Variants in PIGQ observed in about 807,000 individuals in gnomAD.
PIGQ encodes phosphatidylinositol glycan anchor biosynthesis class Q, also known as phosphatidylinositol N-acetylglucosaminyltransferase subunit Q.
Under a neutral mutation model 60.3 loss-of-function variants are expected in PIGQ, and 54 were observed. That is an observed-to-expected ratio of 0.90 (90% CI 0.72 to 1.12). The LOEUF (loss-of-function observed/expected upper bound fraction) is 1.12, where lower values mean the gene tolerates loss of function less well. PIGQ is among the 50% of genes most tolerant of loss of function. PIGQ has a pLI of 0.00. For synonymous variants in PIGQ, 416 were observed against 363.7 expected (o/e 1.14, Z -1.64); for missense variants, 799 against 793.5 (o/e 1.01, Z -0.08).
rs1340506901 is a variant in PIGQ at position 574,243 on chromosome 16, C to T, written c.169C>T (p.Gln57Ter). Residue 57 changes from glutamine (Q) to a stop codon, truncating the protein, a stop_gained, in exon 2 of 11, where the codon CAG becomes TAG. Transcript: ENST00000321878. LOFTEE classifies it high-confidence loss of function. ...CCTGGCCCAGGTGCGGCAGGCCAGCCAGGTGGGCGTGGCCGTGCTGGGCAC... is the reference window on the plus strand; with the variant it reads ...CCTGGCCCAGGTGCGGCAGGCCAGCTAGGTGGGCGTGGCCGTGCTGGGCAC... ...QLLAQVRQASQVGVAVLGTWC... is the reference protein window; with the variant it reads ...QLLAQVRQAS 6.2e-7 allele frequency: 1 copy of T among 1,610,048 alleles called. No homozygotes were observed. Among genetic ancestry groups the T allele is most frequent in the African/African-American group, 1.3e-5 (1 of 74,932 alleles).
In PIGQ at chr16:581,209, C is replaced by G. The variant is rs553486074; in HGVS notation, c.1531+237C>G. The G allele has an allele frequency of 4.2e-6, 6 of 1,430,020 alleles. No homozygotes were observed. In the African/African-American group the frequency reaches 7.2e-5, roughly 17 times the overall value. The allele number at this position is 1,430,020 out of a possible 1,614,324, so 88.6% of individuals were successfully genotyped here. ...TCACCTGCCGCGCAGGTTCAGAACC[C>G]TGGAGACCTGAGGCCACAGGCCTTT... On this transcript the variant is annotated intron_variant, in intron 9 of 10. Transcript: ENST00000321878.
Position 574,556 on chromosome 16 carries a change from G to T in PIGQ, c.482G>T (p.Gly161Val), listed in dbSNP as rs891783892. The change falls in exon 2 of 11, where the codon GGC becomes GTC. Residue 161 changes from glycine (G) to valine (V), a missense_variant. Physicochemically the swap from Gly to Val is moderately radical, Grantham distance 109. Coordinates refer to ENST00000321878, the MANE Select transcript of PIGQ (RefSeq NM_004204.5). ...QAGATTASTG[G>V]LAAVFDTVAR... ...GGAGCCACCACTGCCAGCACGGGGG[G>T]CCTGGCTGCCGTCTTCGACACGGTA... The T allele has an allele frequency of 6.2e-7, 1 of 1,603,660 alleles. No individual in the cohort carries two copies. Among genetic ancestry groups the T allele is most frequent in the Admixed American group, 1.7e-5 (1 of 59,112 alleles).
At position 574,090 on chromosome 16, in the gene PIGQ, T is replaced by G; in HGVS notation, c.16T>G (p.Phe6Val). 1.2e-6 allele frequency: 2 copies of G among 1,605,284 alleles called. No homozygotes were observed. Among genetic ancestry groups the G allele is most frequent in the Non-Finnish European group, 1.7e-6 (2 of 1,176,912 alleles). The stretch of plus-strand genomic sequence containing the variant: ...GCCTCCCGGCATGGTGCTCAAGGCC[T>G]TCTTCCCCACGTGCTGCGTCTCGAC... The part of the protein sequence containing the change: MVLKA[F>V]FPTCCVSTDS... The change falls in exon 2 of 11, where the codon TTC becomes GTC. Residue 6 changes from phenylalanine to valine, a missense_variant. Transcript: ENST00000321878.
Position 576,247 on chromosome 16 carries a change from T to C in PIGQ, c.935T>C (p.Val312Ala). Residue 312 changes from valine (V) to alanine (A), a missense_variant, in exon 4 of 11, where the codon GTG becomes GCG. By Grantham distance (64) the Val-to-Ala change is moderately conservative (BLOSUM62 0). Transcript: ENST00000321878. The stretch of plus-strand genomic sequence containing the variant: ...CATCTGGCCGACGCCCTCGTTCCTG[T>C]GGCTGACGTGAGTGGACTGGGGTGG... ...IGHLADALVP[V>A]ADHVAEELQH... is the part of the protein sequence containing the mutation. The C allele has an allele frequency of 6.4e-7, 1 of 1,554,964 alleles. No individual in the cohort carries two copies. Among genetic ancestry groups the C allele is most frequent in the African/African-American group, 1.4e-5 (1 of 73,630 alleles).
chr16:576,546 G>T, intron 4 of PIGQ: 1 of 559,382 alleles, frequency 1.8e-6, no homozygotes. Flanking sequence ...CAGCGTCCTG[G>T]TATCTCCCTT....
intron 1 of PIGQ, chr16:572,411 C>A: frequency 2.4e-6 from 1 of 421,508 alleles, no homozygotes; most frequent in Non-Finnish European, 4.8e-6. Flanking sequence ...CCAGTGCGGG[C>A]TGCCTGCAGG....
chr16:583,352 G>C lies in PIGQ; in HGVS notation c.*317G>C. On this transcript the variant is annotated 3_prime_UTR_variant, in exon 11 of 11. Coordinates refer to ENST00000321878, the MANE Select transcript of PIGQ (RefSeq NM_004204.5). ...CAGAGCACTGCCCCATGCCCACCCT[G>C]TGTACCCAGGTCCAGAGGGTCCGTC... 6.2e-7 allele frequency: 1 copy of C among 1,612,542 alleles called. No homozygotes were observed. Among genetic ancestry groups the C allele is most frequent in the Non-Finnish European group, 8.5e-7 (1 of 1,179,772 alleles).
chr16:576,803 A>G (rs2035726479), intron 4 of PIGQ: 1 of 345,386 alleles, frequency 2.9e-6, no homozygotes, highest in South Asian at 1.5e-4. Flanking sequence ...CTGCAGATCT[A>G]GTGCATTTCC....
chr16:579,967 C>T, intron 7 of PIGQ: 1 of 456,574 alleles, frequency 2.2e-6, no homozygotes. Context: ...CTTGGGTGGT[C>T]TGGCCCCCAC....
Position 580,954 on chromosome 16 carries a change from C to T in PIGQ, c.1513C>T (p.Arg505Trp), listed in dbSNP as rs1483235042. The change falls in exon 9 of 11, where the codon CGG (arginine) becomes TGG (tryptophan). Residue 505 changes from arginine to tryptophan, a missense_variant. Arg to Trp is a moderately radical substitution (Grantham distance 101, BLOSUM62 -3). Coordinates refer to ENST00000321878, the MANE Select transcript of PIGQ (RefSeq NM_004204.5). ...PLYSLGLRLC[R>W]PYRLAAGVKF... ...GTACTCACTGGGTCTTCGGCTCTGC[C>T]GGCCCTACAGGCTGGCGGGTAAGTG... The T allele has an allele frequency of 1.3e-5, 21 of 1,609,292 alleles. No homozygotes were observed. Among genetic ancestry groups the T allele is most frequent in the African/African-American group, 6.7e-5 (5 of 74,996 alleles).
intron 7 of PIGQ, 139 bp downstream of exon 7, chr16:579,319 A>G (rs1485142700): frequency 2.1e-5 from 14 of 665,864 alleles, no homozygotes; most frequent in African/African-American, 3.6e-5. Flanking sequence ...CTGGGAATAG[A>G]TAAGTCTGCG....
At chr16:578,999 G>A (rs574535901) in intron 6 of PIGQ, 61 bp downstream of exon 6, 53 of 1,456,080 alleles carry the variant, frequency 3.6e-5, no homozygotes, top group South Asian at 2.6e-4. Context: ...CCGGCTGGGC[G>A]GGCGTTCGAG....
Position 580,972 on chromosome 16 carries a change from G to C in PIGQ, c.1531G>C (p.Ala511Pro). The change falls in exon 9 of 11, where the codon GCT becomes CCT. Residue 511 changes from alanine to proline, a missense_variant and splice_region_variant. Ala to Pro is a conservative substitution (Grantham distance 27). Transcript: ENST00000321878. The stretch of plus-strand genomic sequence containing the variant: ...GCTCTGCCGGCCCTACAGGCTGGCG[G>C]GTAAGTGCTGCGTATTGGGCAGCTG... ...LRLCRPYRLAAGVKFRVLRHE... is the reference protein window; with the variant it reads ...LRLCRPYRLAPGVKFRVLRHE... 6.3e-7 allele frequency: 1 copy of C among 1,596,226 alleles called. No homozygotes were observed. The highest frequency in any genetic ancestry group is 8.6e-7 in the Non-Finnish European group (1 of 1,165,432).
At chr16:581,955 G>T (rs1366793780) in intron 9 of PIGQ, 2 of 449,448 alleles carry the variant, frequency 4.4e-6, no homozygotes, top group East Asian at 4.9e-5. Flanking sequence ...GTACGTATGG[G>T]GTTTCACCAT....
At chr16:577,559 A>G (rs2035741120) in intron 4 of PIGQ, among the ~76,000 whole-genome samples, 1 of 150,894 alleles carries the variant, frequency 6.6e-6, no homozygotes, top group Admixed American at 6.6e-5. Context: ...CCTGGGCGAC[A>G]AAACAAGACT....
chr16:581,994 C>T, intron 9 of PIGQ: 1 of 554,042 alleles, frequency 1.8e-6, no homozygotes, highest in Non-Finnish European at 3.3e-6. Flanking sequence ...GAACTCCTGA[C>T]CTCATGATCC....
chr16:576,372 C>T lies in PIGQ; in HGVS notation c.942+118C>T. ...CAAAGCCAGTTCTACCTTCTCCATG[C>T]TCTGGAGACACGGCCCTCCCCTGAA... is the stretch of plus-strand genomic sequence containing the variant. On this transcript the variant is annotated intron_variant, in intron 4 of 10. Transcript: ENST00000321878. The T allele has an allele frequency of 5.0e-6, 6 of 1,197,832 alleles. No individual in the cohort carries two copies. The South Asian group carries it at 6.0e-5, about 12-fold the overall frequency. The allele number at this position is 1,197,832 out of a possible 1,614,324, so 74.2% of individuals were successfully genotyped here. A position where few individuals can be genotyped will look rare whatever the true frequency, so the allele number is the denominator to read the frequency against.
intron 1 of PIGQ, chr16:572,659 CTG>C (rs2035653509): frequency 2.2e-6 from 1 of 455,852 alleles, no homozygotes; most frequent in African/African-American, 2.0e-5. Flanking sequence ...GCATCCCACT[CTG>C]TTCCCTCGTC....
Position 583,120 on chromosome 16 carries a change from T to C in PIGQ, c.*85T>C. 3.7e-6 allele frequency: 6 copies of C among 1,613,214 alleles called. No individual in the cohort carries two copies. Among genetic ancestry groups the C allele is most frequent in the Non-Finnish European group, 5.1e-6 (6 of 1,179,978 alleles). Reference sequence around the variant, plus strand: ...GGGTGGCACCAGCTCAGCTGGCGCATGTCCTGTGCTTTGTGGACGCTGCTG... The same window carrying C: ...GGGTGGCACCAGCTCAGCTGGCGCACGTCCTGTGCTTTGTGGACGCTGCTG... On this transcript the variant is annotated 3_prime_UTR_variant, in exon 11 of 11. Transcript: ENST00000321878.
Sources: allele counts gnomAD v4.1 joint callset (sites outside exome capture counted in the v4.1 genomes callset), GRCh38; gene constraint gnomAD v4.1.1; transcripts MANE v1.5; gene names NCBI Gene and HGNC (gene_info 2026-07-23, HGNC 2026-07-21).